ZDHHC20: variants seen among roughly 807,000 people sequenced by gnomAD.
ZDHHC20 encodes palmitoyltransferase ZDHHC20.
In ZDHHC20, 43 loss-of-function variants were observed where a neutral mutation model predicts 57.8. That is an observed-to-expected ratio of 0.74 (90% confidence interval 0.58 to 0.96). ZDHHC20 has a LOEUF of 0.96. ZDHHC20 is among the 40% of genes least tolerant of loss of function. ZDHHC20 has a pLI of 0.00. For synonymous variants in ZDHHC20, 157 were observed against 153.0 expected, an observed-to-expected ratio of 1.03 and a Z score of -0.19; for missense variants, 391 against 441.1, an observed-to-expected ratio of 0.89 and a Z score of 1.02.
At chr13:21,403,715 T>C (rs2137808150) in intron 4 of ZDHHC20, among the ~76,000 whole-genome samples, 1 of 152,010 alleles carries the variant, frequency 6.6e-6, no homozygotes, top group Non-Finnish European at 1.5e-5. Flanking sequence ...TGGGACGGAG[T>C]GTCGCTCCGT....
chr13:21,394,557 A>G (rs577069411), intron 7 of ZDHHC20, among the ~76,000 whole-genome samples: 18 of 152,356 alleles, frequency 1.2e-4, no homozygotes, highest in Middle Eastern at 3.4e-3. Context: ...TACTAAATAC[A>G]TATTTATTGA....
chr13:21,376,536 T>A lies in ZDHHC20; in HGVS notation c.*160A>T, dbSNP rs187246880. ...TAGTGCTTCTGTGAATCCCAGGAACTGTACAAAGGCTTTCCGTTTTAAAAA... is the reference window on the plus strand; with the variant it reads ...TAGTGCTTCTGTGAATCCCAGGAACAGTACAAAGGCTTTCCGTTTTAAAAA... On this transcript the variant is annotated 3_prime_UTR_variant, in exon 13 of 13. Transcript: ENST00000400590. The A allele has an allele frequency of 3.4e-5, 25 of 736,606 alleles. No homozygotes were observed. In the East Asian group the frequency reaches 8.1e-4, roughly 24 times the overall value. The allele number at this position is 736,606 out of a possible 1,614,324, so 45.6% of individuals were successfully genotyped here.
intron 10 of ZDHHC20, chr13:21,381,798 C>T (rs1423238694): frequency 7.1e-6 from 4 of 564,294 alleles, no homozygotes; most frequent in East Asian, 6.6e-5. Flanking sequence ...ATTTAAAAAG[C>T]TTCAGAGGCC....
chr13:21,388,167 T>G (rs1874928717), intron 8 of ZDHHC20, among the ~76,000 whole-genome samples: 1 of 151,990 alleles, frequency 6.6e-6, no homozygotes, highest in African/African-American at 2.4e-5. Flanking sequence ...CGGGGGTGCT[T>G]GTAGGGAAAG....
At chr13:21,456,515 T>C (rs1320469754) in intron 1 of ZDHHC20, among the ~76,000 whole-genome samples, 1 of 152,194 alleles carries the variant, frequency 6.6e-6, no homozygotes, top group African/African-American at 2.4e-5. Flanking sequence ...TATAAAGTAA[T>C]ATATCTATAC....
intron 12 of ZDHHC20, 86 bp from the exon 13 acceptor site, chr13:21,376,741 C>T: frequency 1.3e-6 from 1 of 770,382 alleles, no homozygotes; most frequent in Non-Finnish European, 2.0e-6. Context: ...GGCTAAGGTA[C>T]AAAGCTACTA....
intron 11 of ZDHHC20, among the ~76,000 whole-genome samples, chr13:21,379,238 T>C (rs1872787712): frequency 6.6e-6 from 1 of 152,074 alleles, no homozygotes; most frequent in Non-Finnish European, 1.5e-5. Flanking sequence ...TTAGGGTATT[T>C]GCTAGTTAGT....
rs1419866752 is a variant in ZDHHC20, at chr13:21,374,006, A to G, written c.*2690T>C. On this transcript the variant is annotated 3_prime_UTR_variant, in exon 13 of 13. Coordinates refer to ENST00000400590, the MANE Select transcript of ZDHHC20 (RefSeq NM_001330059.2). The stretch of plus-strand genomic sequence containing the variant: ...TAAAGATGTTAAATAACAAAAATTA[A>G]AAGAACTGAGAAAGACTATACCATG... The G allele has an allele frequency of 6.6e-6, 1 of 152,358 alleles. No homozygotes were observed. The highest frequency in any genetic ancestry group is 2.4e-5 in the African/African-American group (1 of 41,474). 9.4% of individuals were successfully genotyped at this position (152,358 alleles called of 1,614,324 possible). A position where few individuals can be genotyped will look rare whatever the true frequency, so the allele number is the denominator to read the frequency against.
At chr13:21,430,205 C>T (rs1881748345) in intron 1 of ZDHHC20, among the ~76,000 whole-genome samples, 1 of 152,006 alleles carries the variant, frequency 6.6e-6, no homozygotes, top group East Asian at 1.9e-4. Flanking sequence ...TTTTTGCAGG[C>T]CTCGTCTGAC....
At chr13:21,432,475 G>A (rs1486463285) in intron 1 of ZDHHC20, among the ~76,000 whole-genome samples, 2 of 151,970 alleles carry the variant, frequency 1.3e-5, no homozygotes, top group Admixed American at 6.6e-5. Flanking sequence ...GACTGCAGGC[G>A]CCCACCACCA....
intron 3 of ZDHHC20, among the ~76,000 whole-genome samples, chr13:21,420,491 A>G (rs970912011): frequency 1.3e-5 from 2 of 152,224 alleles, no homozygotes; most frequent in Admixed American, 1.3e-4. Context: ...CCACCTTGCT[A>G]TAAGAAATTT....
At chr13:21,437,827 G>A (rs1316097875) in intron 1 of ZDHHC20, among the ~76,000 whole-genome samples, 3 of 152,034 alleles carry the variant, frequency 2.0e-5, no homozygotes, top group African/African-American at 7.3e-5. Flanking sequence ...AAGTAGGTAG[G>A]ACTACAGGCG....
intron 7 of ZDHHC20, among the ~76,000 whole-genome samples, chr13:21,392,548 C>T (rs1201540276): frequency 1.3e-5 from 2 of 152,008 alleles, no homozygotes; most frequent in African/African-American, 4.8e-5. Context: ...ATAAATTTAC[C>T]ACAGGTATTA....
At position 21,400,366 on chromosome 13, in the gene ZDHHC20, G is replaced by C; in HGVS notation, c.594+7C>G. On this transcript the variant is annotated splice_region_variant and intron_variant, in intron 7 of 12. Coordinates refer to ENST00000400590, the MANE Select transcript of ZDHHC20 (RefSeq NM_001330059.2). Reference sequence around the variant, plus strand: ...ATACATGTTTCAAGATAGAAAAAAAGACTTACCGTCCAAAATTTTATAAAG... The same window carrying C: ...ATACATGTTTCAAGATAGAAAAAAACACTTACCGTCCAAAATTTTATAAAG... The C allele has an allele frequency of 8.2e-6, 13 of 1,576,510 alleles. No individual in the cohort carries two copies. Among genetic ancestry groups the C allele is most frequent in the Non-Finnish European group, 9.4e-6 (11 of 1,169,636 alleles).
Position 21,375,245 on chromosome 13 carries a change from C to A in ZDHHC20, c.*1451G>T. ...CTTATTCACAACACCCCCTCCCCTGCAGTCCCATTTTACAGACAGGAAGCT... is the reference window on the plus strand; with the variant it reads ...CTTATTCACAACACCCCCTCCCCTGAAGTCCCATTTTACAGACAGGAAGCT... On this transcript the variant is annotated 3_prime_UTR_variant, in exon 13 of 13. Transcript: ENST00000400590. 4.5e-6 allele frequency: 2 copies of A among 447,732 alleles called. No homozygotes were observed. Among genetic ancestry groups the A allele is most frequent in the African/African-American group, 2.0e-5 (1 of 49,866 alleles). The allele number at this position is 447,732 out of a possible 1,614,324, so 27.7% of individuals were successfully genotyped here.
At chr13:21,426,734 T>C (rs889348687) in intron 1 of ZDHHC20, among the ~76,000 whole-genome samples, 4 of 151,612 alleles carry the variant, frequency 2.6e-5, no homozygotes, top group Non-Finnish European at 5.9e-5. Context: ...GCTTCCCGAG[T>C]AGCTGGGATT....
At chr13:21,436,084 T>A (rs1882511626) in intron 1 of ZDHHC20, among the ~76,000 whole-genome samples, 1 of 152,244 alleles carries the variant, frequency 6.6e-6, no homozygotes, top group African/African-American at 2.4e-5. Flanking sequence ...TGCTGGAAGC[T>A]ATCTGCTGAC....
intron 4 of ZDHHC20, 60 bp from the exon 5 acceptor site, chr13:21,402,926 T>C (rs1877911189): frequency 2.3e-6 from 3 of 1,329,366 alleles, no homozygotes; most frequent in Middle Eastern, 1.9e-4. Flanking sequence ...TAATTTGACA[T>C]TAAAACTTGA....
intron 1 of ZDHHC20, among the ~76,000 whole-genome samples, chr13:21,434,004 C>T (rs913662521): frequency 6.6e-6 from 1 of 151,958 alleles, no homozygotes; most frequent in Non-Finnish European, 1.5e-5. Context: ...CTTTTCGGTT[C>T]TAGTAGCTTG....
Sources: gnomAD v4.1 joint callset for allele counts (sites outside exome capture counted in the v4.1 genomes callset) on GRCh38, gnomAD v4.1.1 for gene constraint, MANE v1.5 for transcripts, NCBI Gene and HGNC (gene_info 2026-07-23, HGNC 2026-07-21) for gene names.